The following CSMD1 variants were observed in gnomAD, a reference collection of about 807,000 sequenced individuals.
CSMD1 encodes CUB and sushi domain-containing protein 1.
In CSMD1, 213 loss-of-function variants were observed where a neutral mutation model predicts 417.5. That is an observed-to-expected ratio of 0.51 (90% CI 0.46 to 0.57). The LOEUF (loss-of-function observed/expected upper bound fraction) is 0.57, where lower values mean the gene tolerates loss of function less well. CSMD1 is among the 20% of genes least tolerant of loss of function. CSMD1 has a pLI of 0.00. For missense variants in CSMD1, 6,923 were observed against 4,529.7 expected, an observed-to-expected ratio of 1.53 and a Z score of -15.17; for synonymous variants, 2,862 against 1,736.8, an observed-to-expected ratio of 1.65 and a Z score of -16.11.
At chr8:4,325,024 C>T (rs1425547618) in intron 3 of CSMD1, among the ~76,000 whole-genome samples, 1 of 152,104 alleles carries the variant, frequency 6.6e-6, no homozygotes, top group East Asian at 1.9e-4. Flanking sequence ...TGAGTGAGTG[C>T]TGCACTGTGG....
intron 5 of CSMD1, among the ~76,000 whole-genome samples, chr8:3,818,106 C>T (rs925605237): frequency 2.6e-5 from 4 of 152,226 alleles, no homozygotes; most frequent in East Asian, 1.9e-4. Context: ...CCATGTTATT[C>T]CCTGAGAGCC....
intron 7 of CSMD1, among the ~76,000 whole-genome samples, chr8:3,692,821 C>G (rs1267745534): frequency 6.6e-6 from 1 of 151,970 alleles, no homozygotes; most frequent in African/African-American, 2.4e-5. Context: ...ATATGCATGG[C>G]AAAAATATTA....
intron 2 of CSMD1, among the ~76,000 whole-genome samples, chr8:4,460,664 CTGT>C (rs1799758443): frequency 3.1e-5 from 4 of 131,020 alleles, no homozygotes; most frequent in African/African-American, 1.7e-4. Flanking sequence ...AAGAAGAAGA[CTGT>C]AAGAGAATTT....
At chr8:3,376,433 G>A (rs923067751) in intron 18 of CSMD1, among the ~76,000 whole-genome samples, 3 of 151,630 alleles carry the variant, frequency 2.0e-5, no homozygotes, top group African/African-American at 4.8e-5. Context: ...TTTTTCTACA[G>A]AACATATATC....
chr8:4,508,883 T>C (rs1400204923), intron 2 of CSMD1, among the ~76,000 whole-genome samples: 1 of 152,194 alleles, frequency 6.6e-6, no homozygotes, highest in East Asian at 1.9e-4. Flanking sequence ...TAGCATTTCT[T>C]CCTAGAGGAA....
At position 4,463,538 on chromosome 8, in the gene CSMD1, G is replaced by C. The variant is rs571386022; in HGVS notation, c.303-43473C>G. Among the ~76,000 whole-genome samples, 11 of 152,198 alleles carry C rather than the reference G, an allele frequency of 7.2e-5. No homozygotes were observed. In the East Asian group the frequency reaches 1.7e-3, roughly 24 times the overall value. ...GTCAGTCAACCGATGAAAAAACATG[G>C]TCTATATCCATCATATTAAATAGGA... On this transcript the variant is annotated intron_variant, in intron 2 of 69. Transcript: ENST00000635120.
At chr8:3,249,664 A>C (rs747324871) in intron 26 of CSMD1, among the ~76,000 whole-genome samples, 2 of 152,256 alleles carry the variant, frequency 1.3e-5, no homozygotes, top group African/African-American at 2.4e-5. Context: ...TTGATGTATT[A>C]ACTTCAAACA....
chr8:4,196,851 T>G (rs192293796), intron 3 of CSMD1, among the ~76,000 whole-genome samples: 1 of 152,198 alleles, frequency 6.6e-6, no homozygotes, highest in African/African-American at 2.4e-5. Flanking sequence ...AGCCTGCACA[T>G]GCCTTCATAG....
At chr8:3,242,794 AAAGGGGTTGGGGCGCAGAAAT>A (rs71530614) in intron 26 of CSMD1, among the ~76,000 whole-genome samples, 80,316 of 150,128 alleles carry the variant, frequency 0.53, 21,821 homozygotes, top group Admixed American at 0.59. Context: ...GACAAGCGGG[AAAGGGGTTGGGGCGCAGAAAT>A]AAGGGGTTGG....
At chr8:3,749,493 G>C (rs773293157) in intron 6 of CSMD1, among the ~76,000 whole-genome samples, 1 of 152,262 alleles carries the variant, frequency 6.6e-6, no homozygotes, top group African/African-American at 2.4e-5. Context: ...GTAAGACTCC[G>C]AGAATAAAGA....
At chr8:4,312,662 A>C (rs1012305328) in intron 3 of CSMD1, among the ~76,000 whole-genome samples, 15 of 151,756 alleles carry the variant, frequency 9.9e-5, no homozygotes, top group African/African-American at 3.6e-4. Flanking sequence ...GGATCACCTG[A>C]GGTCAGGAGT....
intron 5 of CSMD1, among the ~76,000 whole-genome samples, chr8:3,795,188 C>T (rs63749768): frequency 0.03 from 1,508 of 50,512 alleles, 269 homozygotes; most frequent in African/African-American, 0.041. Context: ...GCTATAGATA[C>T]CTATCATGTA....
intron 1 of CSMD1, among the ~76,000 whole-genome samples, chr8:4,793,467 C>T (rs1044148369): frequency 2.6e-5 from 4 of 152,080 alleles, no homozygotes; most frequent in African/African-American, 7.2e-5. Context: ...CATCCCCTCT[C>T]TCCTCCCCAC....
intron 1 of CSMD1, among the ~76,000 whole-genome samples, chr8:4,655,873 T>C (rs1265614380): frequency 6.6e-6 from 1 of 152,140 alleles, no homozygotes; most frequent in Non-Finnish European, 1.5e-5. Context: ...AAAGCATGTT[T>C]CATTATTCAT....
At chr8:3,864,226 C>A (rs780647101) in intron 5 of CSMD1, among the ~76,000 whole-genome samples, 1 of 152,176 alleles carries the variant, frequency 6.6e-6, no homozygotes, top group African/African-American at 2.4e-5. Context: ...CTTGCTCATA[C>A]AAACCCATAG....
At chr8:4,481,690 C>G (rs1462655820) in intron 2 of CSMD1, among the ~76,000 whole-genome samples, 2 of 152,174 alleles carry the variant, frequency 1.3e-5, no homozygotes, top group Non-Finnish European at 2.9e-5. Flanking sequence ...CTTCAGGACT[C>G]AGTCTATTTG....
At chr8:3,425,348 G>A (rs1433862456) in intron 12 of CSMD1, among the ~76,000 whole-genome samples, 1 of 152,146 alleles carries the variant, frequency 6.6e-6, no homozygotes, top group Non-Finnish European at 1.5e-5. Context: ...CCAGCACTTT[G>A]GGAGGCTGAG....
At chr8:3,880,944 T>C (rs1224922375) in intron 5 of CSMD1, among the ~76,000 whole-genome samples, 2 of 152,110 alleles carry the variant, frequency 1.3e-5, no homozygotes, top group Non-Finnish European at 2.9e-5. Context: ...GATGCAAAAT[T>C]AGTATAGAAA....
intron 10 of CSMD1, among the ~76,000 whole-genome samples, chr8:3,539,643 C>G (rs149624182): frequency 1.1e-3 from 162 of 152,238 alleles, no homozygotes; most frequent in African/African-American, 3.8e-3. Context: ...CCTCCCCCAT[C>G]CCTCACTGTT....
Sources: allele counts gnomAD v4.1 joint callset (sites outside exome capture counted in the v4.1 genomes callset), GRCh38; gene constraint gnomAD v4.1.1; transcripts MANE v1.5; gene names NCBI Gene and HGNC (gene_info 2026-07-23, HGNC 2026-07-21).